The following TANC1 variants were observed in gnomAD, a reference collection of about 807,000 sequenced individuals.
TANC1 encodes protein TANC1.
Under a neutral mutation model 149.7 loss-of-function variants are expected in TANC1, and 77 were observed. That is an observed-to-expected ratio of 0.51 (90% CI 0.43 to 0.62). TANC1 has a LOEUF of 0.62. Among genes scored for constraint, TANC1 ranks in the 20% least tolerant of loss-of-function variants. The probability of loss-of-function intolerance (pLI) is 0.00; values close to 1 mark genes in which losing one functional copy is unlikely to be tolerated. For synonymous variants in TANC1, 854 were observed against 925.0 expected, an observed-to-expected ratio of 0.92 and a Z score of 1.39; for missense variants, 1,985 against 2,321.8, an observed-to-expected ratio of 0.85 and a Z score of 2.98.
At position 159,117,383 on chromosome 2, in the gene TANC1, C is replaced by T. The variant is rs75410406; in HGVS notation, c.260-18811C>T. ...GTTAATGAACTGATATTGATACCTA[C>T]TAAAGTCTGTACTTTATTCCTTTTT... On this transcript the variant is annotated intron_variant, in intron 4 of 26. Transcript: ENST00000263635. 7.0e-3 allele frequency among the ~76,000 whole-genome samples: 1,070 copies of T among 152,038 alleles called. 8 individuals carry two copies. Among genetic ancestry groups the T allele is most frequent in the African/African-American group, 0.024 (1,006 of 41,480 alleles).
At chr2:159,076,485 C>A (rs1416690965) in intron 3 of TANC1, among the ~76,000 whole-genome samples, 1 of 152,186 alleles carries the variant, frequency 6.6e-6, no homozygotes, top group African/African-American at 2.4e-5. Context: ...CCAAAGATGT[C>A]AAAGTTCCTC....
intron 2 of TANC1, among the ~76,000 whole-genome samples, chr2:159,026,559 A>G (rs775692362): frequency 3.9e-5 from 6 of 152,180 alleles, no homozygotes; most frequent in Non-Finnish European, 7.3e-5. Flanking sequence ...TATTTCTTAC[A>G]GTTTTGGAGA....
At chr2:159,136,788 CAAAAAA>C (rs34488237) in intron 5 of TANC1, among the ~76,000 whole-genome samples, 1 of 119,106 alleles carries the variant, frequency 8.4e-6, no homozygotes, top group African/African-American at 3.2e-5. Flanking sequence ...GAAGTAGGAG[CAAAAAA>C]AAAAAAAAAA....
chr2:159,042,417 C>T (rs1035047106), intron 2 of TANC1, among the ~76,000 whole-genome samples: 7 of 152,166 alleles, frequency 4.6e-5, no homozygotes, highest in African/African-American at 1.7e-4. Flanking sequence ...GAAAAGGACA[C>T]TTCCCAGGGA....
In TANC1 at chr2:159,178,867, G is replaced by C. The variant is rs2056158274; in HGVS notation, c.2214G>C (p.Leu738Phe). Residue 738 changes from leucine (L) to phenylalanine (F), a missense_variant, in exon 14 of 27, where the codon TTG becomes TTC. Leu to Phe is a conservative substitution (Grantham distance 22). Transcript: ENST00000263635. ...CCGTGTCTCTCTCTGAGCTCTATTT[G>C]CTTCAGTGCAACATGAAGTTCATGA... ...VVPVSLSELY[L>F]LQCNMKFMTQ... 1 of 1,614,162 alleles carries C rather than the reference G, an allele frequency of 6.2e-7. No homozygotes were observed. Among genetic ancestry groups the C allele is most frequent in the South Asian group, 1.1e-5 (1 of 91,076 alleles).
chr2:159,094,182 C>G (rs878859125), intron 3 of TANC1, among the ~76,000 whole-genome samples: 2 of 152,306 alleles, frequency 1.3e-5, no homozygotes, highest in East Asian at 3.9e-4. Context: ...TGTGGCCTGT[C>G]AGGCCATCCC....
At chr2:159,056,888 T>C in intron 2 of TANC1, 1 of 281,906 alleles carries the variant, frequency 3.5e-6, no homozygotes, top group Non-Finnish European at 7.5e-6. Flanking sequence ...GTACCATTTC[T>C]CCTCATAGGA....
At chr2:159,172,871 G>A (rs893900835) in intron 11 of TANC1, among the ~76,000 whole-genome samples, 1 of 152,330 alleles carries the variant, frequency 6.6e-6, no homozygotes, top group East Asian at 1.9e-4. Flanking sequence ...CAGCAGTGGT[G>A]TGAGTCGGTG....
chr2:159,163,434 C>T lies in TANC1; in HGVS notation c.834C>T (p.Thr278=), dbSNP rs2054253237. Reference sequence around the variant, plus strand: ...CCCCAGTGGCAGAAGAGGAGACCACCGGGTCAGCAGAGAGCACGCTGCCCA... The same window carrying T: ...CCCCAGTGGCAGAAGAGGAGACCACTGGGTCAGCAGAGAGCACGCTGCCCA... The part of the protein sequence containing the change: ...NCSPVAEEET[T]GSAESTLPKA... The change falls in exon 8 of 27, where the codon ACC becomes ACT. Residue 278 remains threonine (T), a synonymous_variant. Coordinates refer to ENST00000263635, the MANE Select transcript of TANC1 (RefSeq NM_033394.3). 4.3e-6 allele frequency: 7 copies of T among 1,614,158 alleles called. No homozygotes were observed. The highest frequency in any genetic ancestry group is 5.9e-6 in the Non-Finnish European group (7 of 1,180,030).
Position 158,973,973 on chromosome 2 carries a change from A to C in TANC1, c.-126+5191A>C, listed in dbSNP as rs185237755. Among the ~76,000 whole-genome samples, 15 of 152,296 alleles carry C rather than the reference A, an allele frequency of 9.8e-5. No homozygotes were observed. In the East Asian group the frequency reaches 2.9e-3, roughly 29 times the overall value. ...TCTCTGCCATGCTTTGTTCTAAATT[A>C]CTTGGGATAAGTAACATTAATTATT... On this transcript the variant is annotated intron_variant, in intron 1 of 26. Coordinates refer to ENST00000263635, the MANE Select transcript of TANC1 (RefSeq NM_033394.3).
At chr2:159,003,793 TTGCCGCG>T (rs2036855315) in intron 2 of TANC1, among the ~76,000 whole-genome samples, 1 of 152,228 alleles carries the variant, frequency 6.6e-6, no homozygotes, top group South Asian at 2.1e-4. Context: ...CATCTTGCTC[TTGCCGCG>T]TGCTGGTGTT....
intron 3 of TANC1, among the ~76,000 whole-genome samples, chr2:159,089,768 C>A (rs550364094): frequency 6.0e-4 from 92 of 152,346 alleles, no homozygotes; most frequent in African/African-American, 2.1e-3. Context: ...GCAGGCTCAG[C>A]ACTGCTGGCA....
At chr2:159,030,015 T>G (rs1411922286) in intron 2 of TANC1, among the ~76,000 whole-genome samples, 1 of 152,188 alleles carries the variant, frequency 6.6e-6, no homozygotes, top group Non-Finnish European at 1.5e-5. Context: ...ATGTCTTCAA[T>G]AACACTGAGA....
intron 2 of TANC1, among the ~76,000 whole-genome samples, chr2:159,021,360 C>T (rs1193763417): frequency 6.6e-6 from 1 of 152,152 alleles, no homozygotes; most frequent in Non-Finnish European, 1.5e-5. Context: ...ATCCTTCTCT[C>T]ATTCAACTGA....
chr2:159,062,986 A>AAAAAAAAAAG, intron 2 of TANC1, among the ~76,000 whole-genome samples: 1 of 146,872 alleles, frequency 6.8e-6, no homozygotes, highest in Non-Finnish European at 1.5e-5. Flanking sequence ...AAAAAAAAAA[A>AAAAAAAAAAG]AAAAAAAAAG....
intron 3 of TANC1, among the ~76,000 whole-genome samples, chr2:159,085,796 A>G (rs1001900046): frequency 3.9e-5 from 6 of 152,176 alleles, no homozygotes; most frequent in Admixed American, 6.5e-5. Context: ...CCGTGACCCA[A>G]CACCTCTCAC....
chr2:159,151,348 C>T (rs1484309300), intron 7 of TANC1, among the ~76,000 whole-genome samples: 1 of 152,222 alleles, frequency 6.6e-6, no homozygotes, highest in African/African-American at 2.4e-5. Context: ...CTCAGGTCTC[C>T]AGCTTGGTGC....
At chr2:159,228,981 C>A in intron 26 of TANC1, 85 bp downstream of exon 26, 1 of 1,076,686 alleles carries the variant, frequency 9.3e-7, no homozygotes, top group Non-Finnish European at 1.4e-6. Flanking sequence ...GGTTTTGCTG[C>A]AGAAGTGTTG....
At chr2:159,066,972 C>A (rs958830734) in intron 3 of TANC1, among the ~76,000 whole-genome samples, 3 of 152,136 alleles carry the variant, frequency 2.0e-5, no homozygotes, top group Non-Finnish European at 4.4e-5. Flanking sequence ...AATTGACTTG[C>A]CTGAAATGTT....
Sources: gnomAD v4.1 joint callset for allele counts (sites outside exome capture counted in the v4.1 genomes callset) on GRCh38, gnomAD v4.1.1 for gene constraint, MANE v1.5 for transcripts, NCBI Gene and HGNC (gene_info 2026-07-23, HGNC 2026-07-21) for gene names.